H2BC5: variants seen among roughly 807,000 people sequenced by gnomAD.
H2BC5 encodes histone H2B type 1-D.
A neutral mutation model predicts 5.7 loss-of-function variants in H2BC5; 9 were observed. The observed-to-expected ratio is 1.57, with a 90% CI of 0.95 to 2.74. H2BC5 has a LOEUF of 2.74. H2BC5 is among the 30% of genes most tolerant of loss of function. The probability of loss-of-function intolerance (pLI) is 0.00; values close to 1 mark genes in which losing one functional copy is unlikely to be tolerated. For synonymous variants in H2BC5, 133 were observed against 70.9 expected (o/e 1.88, Z -4.40); for missense variants, 175 against 168.8 (o/e 1.04, Z -0.20).
chr6:26,168,381 C>A (rs1581436625), intron 1 of H2BC5, among the ~76,000 whole-genome samples: 4 of 151,920 alleles, frequency 2.6e-5, no homozygotes, highest in African/African-American at 9.7e-5. Flanking sequence ...TCGCTTGAAC[C>A]CGGGAGGCAG....
At chr6:26,160,514 GA>G (rs34183291), downstream of H2BC5, among the ~76,000 whole-genome samples, 13,795 of 55,170 alleles carry the variant, frequency 0.25, 623 homozygotes, top group Non-Finnish European at 0.3. Flanking sequence ...TCCTGTCTCT[GA>G]AAAAAAAAAA....
At chr6:26,169,050 A>G (rs1483372455) in intron 1 of H2BC5, among the ~76,000 whole-genome samples, 6 of 152,202 alleles carry the variant, frequency 3.9e-5, no homozygotes, top group African/African-American at 1.4e-4. Flanking sequence ...GAAAAAACAA[A>G]TTAATGAAAT....
At chr6:26,158,646 G>A (rs1764284678), downstream of H2BC5, 1 of 1,537,186 alleles carries the variant, frequency 6.5e-7, no homozygotes, top group Non-Finnish European at 8.8e-7. Flanking sequence ...TCATTCAAAA[G>A]GGGGGTTATT....
downstream of H2BC5, among the ~76,000 whole-genome samples, chr6:26,159,364 G>C (rs539484973): frequency 2.7e-4 from 39 of 143,206 alleles, no homozygotes; most frequent in Non-Finnish European, 3.8e-4. Context: ...AATAGTTATC[G>C]CAGGACTGAA....
At chr6:26,158,631 T>C (rs1437277078), downstream of H2BC5, 1 of 1,561,824 alleles carries the variant, frequency 6.4e-7, no homozygotes, top group East Asian at 2.2e-5. Flanking sequence ...TGAGTTGTAA[T>C]CATTTCATTC....
downstream of H2BC5, among the ~76,000 whole-genome samples, chr6:26,163,069 A>G (rs1463893581): frequency 6.6e-6 from 1 of 150,916 alleles, no homozygotes; most frequent in Non-Finnish European, 1.5e-5. Flanking sequence ...TTTTGTTAAT[A>G]TTTTTCATGA....
At chr6:26,166,689 T>C (rs1256411853) in intron 1 of H2BC5, among the ~76,000 whole-genome samples, 2 of 147,196 alleles carry the variant, frequency 1.4e-5, no homozygotes, top group Non-Finnish European at 3.0e-5. Flanking sequence ...GGGATACTTT[T>C]GGCTTTTTTT....
downstream of H2BC5, among the ~76,000 whole-genome samples, chr6:26,159,258 T>G (rs1375432116): frequency 4.7e-4 from 67 of 141,794 alleles, no homozygotes; most frequent in African/African-American, 1.6e-3. Context: ...TTTTTTTTTT[T>G]TTTTTTTTTT....
At position 26,165,092 on chromosome 6, in the gene H2BC5, A is replaced by G. The variant is rs75026503; in HGVS notation, c.*10-5883A>G. Among the ~76,000 whole-genome samples the G allele has an allele frequency of 1.7e-3, 266 of 152,350 alleles. 1 individual carries two copies. Among genetic ancestry groups the G allele is most frequent in the East Asian group, 0.012 (62 of 5,188 alleles). ...AAAATGGGAAAAAAAATCAACAATTAAAAAACAAGAAATCAGAAATCCCCC... is the reference window on the plus strand; with the variant it reads ...AAAATGGGAAAAAAAATCAACAATTGAAAAACAAGAAATCAGAAATCCCCC... On this transcript the variant is annotated intron_variant, in intron 1 of 1. Transcript: ENST00000289316.
At chr6:26,159,251 T>TGTTTTTG (rs1561968510), downstream of H2BC5, among the ~76,000 whole-genome samples, 3 of 138,454 alleles carry the variant, frequency 2.2e-5, no homozygotes, top group African/African-American at 8.1e-5. Context: ...AGGTTTTTTT[T>TGTTTTTG]TTTTTTTTTT....
chr6:26,164,035 T>C (rs1482460698), intron 1 of H2BC5: 1 of 444,786 alleles, frequency 2.2e-6, no homozygotes, highest in Non-Finnish European at 4.5e-6. Context: ...TAAAAGAACT[T>C]ATTGAAATAT....
rs541132465 is a variant in H2BC5, at chr6:26,158,164, G to C, written c.-6G>C. On this transcript the variant is annotated 5_prime_UTR_variant, in exon 1 of 1. Transcript: ENST00000377777. ...TTGCAACAGTGTTCTAACTATTAACGCTACGATGCCTGAACCTACCAAGTC... is the reference window on the plus strand; with the variant it reads ...TTGCAACAGTGTTCTAACTATTAACCCTACGATGCCTGAACCTACCAAGTC... The C allele has an allele frequency of 2.5e-6, 4 of 1,611,528 alleles. No homozygotes were observed. In the Admixed American group the frequency reaches 6.8e-5, roughly 27 times the overall value.
At chr6:26,159,249 T>TTTTTG (rs1471075262), downstream of H2BC5, among the ~76,000 whole-genome samples, 11 of 136,770 alleles carry the variant, frequency 8.0e-5, no homozygotes, top group African/African-American at 2.5e-4. Flanking sequence ...ATAGGTTTTT[T>TTTTTG]TTTTTTTTTT....
In H2BC5 at chr6:26,158,197, G is replaced by A. The variant is rs774791275; in HGVS notation, c.28G>A (p.Ala10Thr). 3.5e-5 allele frequency: 56 copies of A among 1,614,004 alleles called. No individual in the cohort carries two copies. Among genetic ancestry groups the A allele is most frequent in the Middle Eastern group, 1.6e-4 (1 of 6,084 alleles). The change falls in exon 1 of 1, where the codon GCC (alanine) becomes ACC (threonine). Residue 10 changes from alanine (A) to threonine (T), a missense_variant. Coordinates refer to ENST00000377777, the MANE Select transcript of H2BC5 (RefSeq NM_021063.4). The part of the protein sequence containing the change: MPEPTKSAP[A>T]PKKGSKKAVT... ...GCCTGAACCTACCAAGTCTGCTCCT[G>A]CCCCAAAGAAGGGCTCCAAGAAGGC...
intron 1 of H2BC5, among the ~76,000 whole-genome samples, chr6:26,169,155 AAGATTAAC>A (rs1764481572): frequency 2.0e-5 from 3 of 152,340 alleles, no homozygotes; most frequent in Middle Eastern, 3.4e-3. Flanking sequence ...TTCCAAGTGT[AAGATTAAC>A]AGATTAACAC....
In H2BC5 at chr6:26,158,248, G is replaced by A. The variant is rs776467875; in HGVS notation, c.79G>A (p.Gly27Arg). ...KAVTKAQKKDGKKRKRSRKES... is the reference protein window; with the variant it reads ...KAVTKAQKKDRKKRKRSRKES... ...GGTGACTAAGGCTCAGAAGAAGGAC[G>A]GGAAGAAGCGCAAGCGCAGCCGCAA... The change falls in exon 1 of 1, where the codon GGG becomes AGG. Residue 27 changes from glycine (G) to arginine (R), a missense_variant. This residue lies in a region of H2BC5 where 119 missense variants were observed against 85.6 expected (regional missense o/e 1.39). Transcript: ENST00000377777. 2 of 1,614,250 alleles carry A rather than the reference G, an allele frequency of 1.2e-6. No homozygotes were observed. Among genetic ancestry groups the A allele is most frequent in the South Asian group, 1.1e-5 (1 of 91,084 alleles).
intron 1 of H2BC5, among the ~76,000 whole-genome samples, chr6:26,170,737 C>G (rs1169397050): frequency 1.3e-5 from 2 of 152,114 alleles, no homozygotes; most frequent in Non-Finnish European, 2.9e-5. Flanking sequence ...ATTTGAATCC[C>G]ACCCAAGAAG....
intron 1 of H2BC5, among the ~76,000 whole-genome samples, chr6:26,169,909 G>GA (rs894337165): frequency 3.4e-5 from 5 of 148,800 alleles, no homozygotes; most frequent in African/African-American, 7.4e-5. Flanking sequence ...TCAAAAAAAA[G>GA]AAAAAAAAGA....
intron 1 of H2BC5, among the ~76,000 whole-genome samples, chr6:26,167,049 C>CTTTTTTTTTTTTTT (rs149341201): frequency 4.4e-4 from 43 of 97,032 alleles, no homozygotes; most frequent in Admixed American, 5.4e-4. Context: ...TTTGTTTTCT[C>CTTTTTTTTTTTTTT]TTTTTTTTTT....
Sources: allele counts gnomAD v4.1 joint callset (sites outside exome capture counted in the v4.1 genomes callset), GRCh38; gene constraint gnomAD v4.1.1; regional missense constraint gnomAD v4.1.1; transcripts MANE v1.5; gene names NCBI Gene and HGNC (gene_info 2026-07-23, HGNC 2026-07-21).